Variants in ECD observed in about 807,000 individuals in gnomAD.
ECD encodes the protein protein ecdysoneless homolog.
In ECD, 59 loss-of-function variants were observed where a neutral mutation model predicts 77.2. The observed-to-expected ratio is 0.76, with a 90% CI of 0.62 to 0.95. ECD has a LOEUF of 0.95. Ranked by LOEUF, ECD falls within the 40% of genes least tolerant of loss-of-function variation. The pLI is 0.00. For synonymous variants in ECD, 233 were observed against 267.4 expected (o/e 0.87, Z 1.26); for missense variants, 704 against 763.4 (o/e 0.92, Z 0.92).
At chr10:73,163,478 A>G (rs934904901) in intron 2 of ECD, among the ~76,000 whole-genome samples, 10 of 152,348 alleles carry the variant, frequency 6.6e-5, no homozygotes, top group African/African-American at 2.4e-4. Flanking sequence ...CTAAAGTTCA[A>G]AAGAATAGCC....
intron 8 of ECD, among the ~76,000 whole-genome samples, chr10:73,147,551 A>C (rs1401363349): frequency 1.4e-5 from 2 of 144,438 alleles, no homozygotes; most frequent in Non-Finnish European, 3.0e-5. Flanking sequence ...ACTCCATCTC[A>C]AAAAAAAAAA....
chr10:73,157,931 T>C (rs1843319951), intron 3 of ECD, among the ~76,000 whole-genome samples: 1 of 151,018 alleles, frequency 6.6e-6, no homozygotes, highest in Non-Finnish European at 1.5e-5. Flanking sequence ...GTTCTAGCTC[T>C]ATACTTCTAT....
intron 5 of ECD, 53 bp from the exon 6 acceptor site, chr10:73,154,501 T>C: frequency 6.9e-7 from 1 of 1,456,072 alleles, no homozygotes; most frequent in Non-Finnish European, 9.1e-7. Flanking sequence ...ATACCTATAA[T>C]TCTTATACCA....
At chr10:73,162,632 A>G (rs1424964458) in intron 2 of ECD, among the ~76,000 whole-genome samples, 2 of 152,198 alleles carry the variant, frequency 1.3e-5, no homozygotes, top group African/African-American at 4.8e-5. Context: ...TATACTTGTG[A>G]TGTATACATG....
chr10:73,160,450 G>C lies in ECD; in HGVS notation c.307C>G (p.Pro103Ala). The C allele has an allele frequency of 6.3e-7, 1 of 1,597,316 alleles. No homozygotes were observed. The highest frequency in any genetic ancestry group is 8.5e-7 in the Non-Finnish European group (1 of 1,173,982). The change falls in exon 3 of 14, where the codon CCA becomes GCA. Residue 103 changes from proline (P) to alanine (A), a missense_variant. Pro to Ala is a conservative substitution (Grantham distance 27, BLOSUM62 -1). Around this residue, in one of 3 missense-constraint regions of ECD, gnomAD observed 559 missense variants for 583.7 expected, o/e 0.96. Coordinates refer to ENST00000372979, the MANE Select transcript of ECD (RefSeq NM_007265.3). Reference protein sequence around the residue: ...YVIKQITKEFPELVARIEDND... With the variant: ...YVIKQITKEFAELVARIEDND... ...CTACAATACCTTGCTACTAACTCTG[G>C]AAATTCCTTTGTGATCTGCTTTATT...
chr10:73,164,850 C>G (rs1029105663), intron 1 of ECD, among the ~76,000 whole-genome samples: 1 of 152,090 alleles, frequency 6.6e-6, no homozygotes, highest in Admixed American at 6.5e-5. Flanking sequence ...GAATAGAAAT[C>G]TAGTATCACA....
At chr10:73,156,809 T>C (rs779963506) in intron 3 of ECD, among the ~76,000 whole-genome samples, 154 bp from the exon 4 acceptor site, 1 of 152,162 alleles carries the variant, frequency 6.6e-6, no homozygotes, top group Non-Finnish European at 1.5e-5. Context: ...ATATTTAAGA[T>C]AACATTAAGC....
At chr10:73,140,954 G>A (rs931136629) in intron 9 of ECD, among the ~76,000 whole-genome samples, 2 of 151,490 alleles carry the variant, frequency 1.3e-5, no homozygotes, top group East Asian at 3.9e-4. Context: ...TTTTATATAC[G>A]AGGAAAAGAA....
chr10:73,141,616 T>C (rs1843059649), intron 9 of ECD: 2 of 152,560 alleles, frequency 1.3e-5, no homozygotes, highest in African/African-American at 4.8e-5. Context: ...TTTTTTAACA[T>C]CTCTGCTTCA....
In ECD at chr10:73,148,302, T is replaced by C. The variant is rs1247049767; in HGVS notation, c.1015A>G (p.Ser339Gly). The change falls in exon 8 of 14, where the codon AGT becomes GGT. Residue 339 changes from serine (S) to glycine (G), a missense_variant. Ser to Gly is a moderately conservative substitution (Grantham distance 56, BLOSUM62 0). This residue lies in a region of ECD where 559 missense variants were observed against 583.7 expected (regional missense o/e 0.96). Coordinates refer to ENST00000372979, the MANE Select transcript of ECD (RefSeq NM_007265.3). ...TTAAAGTAATCATTCTTTTTCAGAC[T>C]TTCAAGGAAACTGGCCCAGAGTGGT... ...ASPLWASFLESLKKNDYFKGL... is the reference protein window; with the variant it reads ...ASPLWASFLEGLKKNDYFKGL... 2 of 1,613,668 alleles carry C rather than the reference T, an allele frequency of 1.2e-6. No individual in the cohort carries two copies. Among genetic ancestry groups the C allele is most frequent in the Middle Eastern group, 1.6e-4 (1 of 6,084 alleles).
At chr10:73,145,657 CTTTTTTTT>C (rs748175828) in intron 9 of ECD, among the ~76,000 whole-genome samples, 1 of 124,152 alleles carries the variant, frequency 8.1e-6, no homozygotes, top group Non-Finnish European at 1.7e-5. Flanking sequence ...TATTGTGCAG[CTTTTTTTT>C]TTTTTTTTTT....
chr10:73,153,759 TATAGAA>T (rs1051663538), intron 6 of ECD, among the ~76,000 whole-genome samples: 1 of 148,150 alleles, frequency 6.7e-6, no homozygotes, highest in Non-Finnish European at 1.5e-5. Flanking sequence ...AGGAAATAAT[TATAGAA>T]ATAGAAACAT....
intron 8 of ECD, among the ~76,000 whole-genome samples, 160 bp downstream of exon 8, chr10:73,148,116 C>T (rs1177812449): frequency 6.6e-6 from 1 of 152,156 alleles, no homozygotes; most frequent in East Asian, 1.9e-4. Flanking sequence ...ATAGATACCT[C>T]CTTCATTAGC....
intron 5 of ECD, 76 bp downstream of exon 5, chr10:73,156,199 C>T (rs1370481395): frequency 7.2e-7 from 1 of 1,395,160 alleles, no homozygotes; most frequent in Non-Finnish European, 9.5e-7. Context: ...GGAAAACAAA[C>T]AAAAATCAAA....
Position 73,148,278 on chromosome 10 carries a change from T to G in ECD, c.1039A>C (p.Lys347Gln). The change falls in exon 8 of 14, where the codon AAG becomes CAG. Residue 347 changes from lysine to glutamine, a missense_variant and splice_region_variant. By Grantham distance (53) the Lys-to-Gln change is moderately conservative (BLOSUM62 1). This residue lies in a region of ECD where 559 missense variants were observed against 583.7 expected (regional missense o/e 0.96). Coordinates refer to ENST00000372979, the MANE Select transcript of ECD (RefSeq NM_007265.3). ...LESLKKNDYF[K>Q]GLIEGSAQYR... ...AGCAAATATATTGCAAGTCCTACCT[T>G]AAAGTAATCATTCTTTTTCAGACTT... 6.2e-7 allele frequency: 1 copy of G among 1,613,680 alleles called. No homozygotes were observed. The highest frequency in any genetic ancestry group is 8.5e-7 in the Non-Finnish European group (1 of 1,179,774).
At position 73,148,143 on chromosome 10, in the gene ECD, A is replaced by C. The variant is rs763609988; in HGVS notation, c.1041+133T>G. 4.4e-6 allele frequency: 5 copies of C among 1,135,868 alleles called. No individual in the cohort carries two copies. In the Admixed American group the frequency reaches 1.5e-4, roughly 34 times the overall value. The allele number at this position is 1,135,868 out of a possible 1,614,324, so 70.4% of individuals were successfully genotyped here. ...TTCATTAGCACCTGAGTACCACTGA[A>C]CTAGAAAGGTCTCCTTTAAGTCTAG... On this transcript the variant is annotated intron_variant, in intron 8 of 13. Coordinates refer to ENST00000372979, the MANE Select transcript of ECD (RefSeq NM_007265.3).
In ECD at chr10:73,160,381, C is replaced by A; in HGVS notation, c.323+53G>T. On this transcript the variant is annotated intron_variant, in intron 3 of 13. Coordinates refer to ENST00000372979, the MANE Select transcript of ECD (RefSeq NM_007265.3). The stretch of plus-strand genomic sequence containing the variant: ...ATTACTAAATAGATAAAAATGTAGT[C>A]ACTTTGTTTCAGTAATAGAATTCCT... 3 of 1,198,274 alleles carry A rather than the reference C, an allele frequency of 2.5e-6. No homozygotes were observed. The Middle Eastern group carries it at 6.8e-4, about 274-fold the overall frequency. The allele number at this position is 1,198,274 out of a possible 1,614,324, so 74.2% of individuals were successfully genotyped here.
Position 73,156,321 on chromosome 10 carries a change from G to C in ECD, c.544C>G (p.Leu182Val). Residue 182 changes from leucine (L) to valine (V), a missense_variant, in exon 5 of 14, where the codon CTT (leucine) becomes GTT (valine). Coordinates refer to ENST00000372979, the MANE Select transcript of ECD (RefSeq NM_007265.3). The part of the protein sequence containing the change: ...NIITAHSEKI[L>V]ASESIRAAVN... ...GCAGCTCGTATAGATTCTGAAGCAA[G>C]TATTTTTTCTGAATGTGCTGTGATT... The C allele has an allele frequency of 6.2e-7, 1 of 1,612,122 alleles. No individual in the cohort carries two copies. Among genetic ancestry groups the C allele is most frequent in the Non-Finnish European group, 8.5e-7 (1 of 1,179,500 alleles).
intron 2 of ECD, among the ~76,000 whole-genome samples, chr10:73,163,394 G>C (rs1407121659): frequency 6.6e-6 from 1 of 152,114 alleles, no homozygotes; most frequent in Non-Finnish European, 1.5e-5. Context: ...ACAGCAAAAG[G>C]AACCATGATT....
Sources: allele counts gnomAD v4.1 joint callset (sites outside exome capture counted in the v4.1 genomes callset), GRCh38; gene constraint gnomAD v4.1.1; regional missense constraint gnomAD v4.1.1; transcripts MANE v1.5; gene names NCBI Gene and HGNC (gene_info 2026-07-23, HGNC 2026-07-21).